The following KDM4C variants were observed in gnomAD, a reference collection of about 807,000 sequenced individuals.
KDM4C encodes lysine-specific demethylase 4C.
A neutral mutation model predicts 129.3 loss-of-function variants in KDM4C; 81 were observed. The ratio of observed to expected loss-of-function variants is 0.63; its 90% CI spans 0.52 to 0.75. The LOEUF (loss-of-function observed/expected upper bound fraction) is 0.75. KDM4C is among the 30% of genes least tolerant of loss of function. KDM4C has a pLI of 0.00. For missense variants in KDM4C, 1,457 were observed against 1,304.0 expected (o/e 1.12, Z -1.81); for synonymous variants, 573 against 456.1 (o/e 1.26, Z -3.26).
At chr9:7,164,968 A>G (rs978433237) in intron 19 of KDM4C, among the ~76,000 whole-genome samples, 1 of 152,178 alleles carries the variant, frequency 6.6e-6, no homozygotes, top group Non-Finnish European at 1.5e-5. Flanking sequence ...GTTACCCCCT[A>G]AACAATTCTT....
At chr9:6,868,121 C>T (rs1368878557) in intron 5 of KDM4C, among the ~76,000 whole-genome samples, 2 of 151,830 alleles carry the variant, frequency 1.3e-5, no homozygotes, top group East Asian at 1.9e-4. Context: ...CCAAACCCTC[C>T]CTGGAGGCAC....
intron 15 of KDM4C, among the ~76,000 whole-genome samples, chr9:7,025,218 T>G (rs541787293): frequency 6.6e-6 from 1 of 152,338 alleles, no homozygotes; most frequent in East Asian, 1.9e-4. Flanking sequence ...GAATATCTTT[T>G]TTTCATCTGC....
intron 4 of KDM4C, among the ~76,000 whole-genome samples, chr9:6,817,086 A>T (rs906141335): frequency 1.3e-5 from 2 of 151,874 alleles, no homozygotes; most frequent in Non-Finnish European, 2.9e-5. Context: ...AAAGATGCAT[A>T]TTGAAGGATA....
intron 8 of KDM4C, among the ~76,000 whole-genome samples, chr9:6,947,309 T>A (rs941009188): frequency 3.3e-5 from 5 of 152,206 alleles, no homozygotes; most frequent in African/African-American, 1.2e-4. Flanking sequence ...TTTATTTACA[T>A]GAGAAACTGA....
chr9:6,904,428 G>A (rs147864732), intron 8 of KDM4C, among the ~76,000 whole-genome samples: 2,333 of 149,706 alleles, frequency 0.016, 21 homozygotes, highest in Middle Eastern at 0.031. Context: ...TTTTTGAGGG[G>A]CATCACAGAA....
chr9:7,144,391 A>C (rs910127294), intron 19 of KDM4C, among the ~76,000 whole-genome samples: 3 of 152,122 alleles, frequency 2.0e-5, no homozygotes, highest in Admixed American at 6.5e-5. Flanking sequence ...ATTCTCCCCA[A>C]GTGTTACCCA....
chr9:7,169,875 A>T lies in KDM4C; in HGVS notation c.2979A>T (p.Arg993Ser), dbSNP rs1399848619. ...IYTLDEELPK[R>S]VKARFSTASD... ...CTTTAGATGAAGAGTTACCCAAGAGAGTGAAAGCTCGATTTGTAAGTGCTG... is the reference window on the plus strand; with the variant it reads ...CTTTAGATGAAGAGTTACCCAAGAGTGTGAAAGCTCGATTTGTAAGTGCTG... The change falls in exon 21 of 22, where the codon AGA becomes AGT. Residue 993 changes from arginine to serine, a missense_variant. Arg to Ser is a moderately radical substitution (Grantham distance 110). Transcript: ENST00000381309. The T allele has an allele frequency of 6.2e-7, 1 of 1,614,042 alleles. No homozygotes were observed. The highest frequency in any genetic ancestry group is 2.2e-5 in the East Asian group (1 of 44,868).
intron 4 of KDM4C, among the ~76,000 whole-genome samples, chr9:6,840,538 A>C (rs1162529252): frequency 6.6e-6 from 1 of 152,088 alleles, no homozygotes; most frequent in Non-Finnish European, 1.5e-5. Context: ...CTGGGACTAC[A>C]GGCGTCTGCC....
intron 1 of KDM4C, among the ~76,000 whole-genome samples, chr9:6,762,230 T>A (rs969200825): frequency 3.3e-5 from 5 of 152,164 alleles, no homozygotes; most frequent in Admixed American, 6.6e-5. Flanking sequence ...GTATTTCTCC[T>A]AACACTATCC....
intron 12 of KDM4C, among the ~76,000 whole-genome samples, chr9:6,999,781 C>T (rs970510933): frequency 5.3e-5 from 8 of 152,172 alleles, no homozygotes; most frequent in Admixed American, 1.3e-4. Context: ...GTACATCTCC[C>T]ATTGAAAGTC....
rs889108787 is a variant in KDM4C, at chr9:6,834,075, G to C, written c.436-15432G>C. On this transcript the variant is annotated intron_variant, in intron 4 of 21. Transcript: ENST00000381309. Reference sequence around the variant, plus strand: ...TTTTTTTTTAAGATAGTCTTGCTCTGTCACCTAGGCTGGGGTGCAGTGATG... The same window carrying C: ...TTTTTTTTTAAGATAGTCTTGCTCTCTCACCTAGGCTGGGGTGCAGTGATG... Among the ~76,000 whole-genome samples the C allele has an allele frequency of 4.8e-5, 5 of 103,666 alleles. No homozygotes were observed. In the Admixed American group the frequency reaches 5.8e-4, roughly 12 times the overall value. The allele number at this position is 103,666 out of a possible 152,430, so 68.0% of individuals were successfully genotyped here.
chr9:6,867,131 T>G (rs1842166589), intron 5 of KDM4C, among the ~76,000 whole-genome samples: 1 of 151,416 alleles, frequency 6.6e-6, no homozygotes, highest in Non-Finnish European at 1.5e-5. Flanking sequence ...TTCCCCTGCC[T>G]CAACCTCCCA....
intron 5 of KDM4C, among the ~76,000 whole-genome samples, chr9:6,851,147 G>A (rs1475862150): frequency 1.3e-5 from 2 of 152,134 alleles, no homozygotes; most frequent in Non-Finnish European, 2.9e-5. Context: ...ATGTTTATTT[G>A]TTATTACTTT....
At chr9:6,747,513 A>C (rs1048537038) in intron 1 of KDM4C, among the ~76,000 whole-genome samples, 2 of 135,340 alleles carry the variant, frequency 1.5e-5, no homozygotes, top group Middle Eastern at 4.0e-3. Flanking sequence ...GCGCCACTGC[A>C]CTCCAACCTG....
intron 1 of KDM4C, among the ~76,000 whole-genome samples, chr9:6,724,825 G>A (rs529973985): frequency 1.5e-3 from 235 of 152,222 alleles, no homozygotes; most frequent in African/African-American, 5.3e-3. Context: ...CACAGTGTCC[G>A]GCCTCTGGGT....
intron 8 of KDM4C, among the ~76,000 whole-genome samples, chr9:6,966,193 T>TC (rs900640694): frequency 9.2e-5 from 14 of 152,144 alleles, no homozygotes; most frequent in African/African-American, 3.1e-4. Context: ...CCTAATACTT[T>TC]TTTTTTTTAG....
At chr9:7,001,933 C>T (rs1477456839) in intron 12 of KDM4C, among the ~76,000 whole-genome samples, 1 of 152,110 alleles carries the variant, frequency 6.6e-6, no homozygotes, top group Non-Finnish European at 1.5e-5. Flanking sequence ...TACTCTGTTG[C>T]CTACACTGGT....
chr9:6,972,165 T>G (rs11790445), intron 8 of KDM4C, among the ~76,000 whole-genome samples: 8,974 of 151,652 alleles, frequency 0.059, 476 homozygotes, highest in East Asian at 0.14. Context: ...GAGTGAGAGA[T>G]CAAGAGAGAG....
At chr9:6,880,181 C>G (rs1193131123) in intron 6 of KDM4C, 120 bp downstream of exon 6, 2 of 483,526 alleles carry the variant, frequency 4.1e-6, no homozygotes, top group Admixed American at 3.9e-5. Flanking sequence ...TTATTCTATT[C>G]AAGTTATTGA....
Sources: gnomAD v4.1 joint callset for allele counts (sites outside exome capture counted in the v4.1 genomes callset) on GRCh38, gnomAD v4.1.1 for gene constraint, MANE v1.5 for transcripts, NCBI Gene and HGNC (gene_info 2026-07-23, HGNC 2026-07-21) for gene names.